Variants in HHAT observed in about 807,000 individuals in gnomAD.
The protein encoded by HHAT is hedgehog acyltransferase.
In HHAT, 47 loss-of-function variants were observed where a neutral mutation model predicts 70.8. That is an observed-to-expected ratio of 0.66 (90% CI 0.53 to 0.85). HHAT has a LOEUF of 0.85. HHAT is among the 40% of genes least tolerant of loss of function. HHAT has a pLI of 0.00. For missense variants in HHAT, 609 were observed against 604.8 expected (o/e 1.01, Z -0.07); for synonymous variants, 228 against 247.6 (o/e 0.92, Z 0.74).
chr1:210,627,393 G>C (rs1272897907), intron 11 of HHAT, among the ~76,000 whole-genome samples: 1 of 152,088 alleles, frequency 6.6e-6, no homozygotes, highest in Non-Finnish European at 1.5e-5. Context: ...GTATCTTCCT[G>C]TCACCAGTTC....
chr1:210,534,271 C>T (rs183300634), intron 9 of HHAT, among the ~76,000 whole-genome samples: 5 of 152,268 alleles, frequency 3.3e-5, no homozygotes, highest in African/African-American at 1.2e-4. Context: ...TACTGTGTCA[C>T]TGCACTGCTA....
chr1:210,540,357 T>C (rs1156627920), intron 9 of HHAT, among the ~76,000 whole-genome samples: 1 of 152,104 alleles, frequency 6.6e-6, no homozygotes, highest in African/African-American at 2.4e-5. Context: ...ATTCATACAA[T>C]GTTGCCTTGA....
chr1:210,462,166 A>G (rs1254595885), intron 7 of HHAT, among the ~76,000 whole-genome samples: 2 of 152,110 alleles, frequency 1.3e-5, no homozygotes, highest in African/African-American at 4.8e-5. Context: ...GAAGCAACCC[A>G]TTTTTCCTGA....
intron 10 of HHAT, among the ~76,000 whole-genome samples, chr1:210,610,102 A>G (rs1435249322): frequency 1.3e-5 from 2 of 152,174 alleles, no homozygotes; most frequent in African/African-American, 4.8e-5. Context: ...GTCTTCCACA[A>G]TGGTTGAGTT....
chr1:210,342,866 T>C (rs552844852), intron 1 of HHAT, among the ~76,000 whole-genome samples: 1 of 152,324 alleles, frequency 6.6e-6, no homozygotes, highest in South Asian at 2.1e-4. Flanking sequence ...TTCTTTTACA[T>C]TGTGTCATAA....
chr1:210,588,401 AT>A (rs897043875), intron 10 of HHAT: 2 of 292,460 alleles, frequency 6.8e-6, no homozygotes, highest in African/African-American at 2.1e-5. Context: ...ATTCTTCTAA[AT>A]TTTTTCCATG....
At chr1:210,661,092 C>T (rs1677597531) in intron 11 of HHAT, among the ~76,000 whole-genome samples, 1 of 152,206 alleles carries the variant, frequency 6.6e-6, no homozygotes, top group Non-Finnish European at 1.5e-5. Flanking sequence ...TAAAGAGCTT[C>T]TGCACAGCAA....
At chr1:210,410,550 TAG>T (rs1484498398) in intron 6 of HHAT, among the ~76,000 whole-genome samples, 8 of 112,434 alleles carry the variant, frequency 7.1e-5, no homozygotes, top group Admixed American at 6.8e-4. Context: ...TTTTTTAAGA[TAG>T]AGTCTCACTC....
intron 3 of HHAT, among the ~76,000 whole-genome samples, chr1:210,364,762 C>T (rs1355842300): frequency 6.6e-6 from 1 of 152,240 alleles, no homozygotes; most frequent in Non-Finnish European, 1.5e-5. Flanking sequence ...GCAGAGATGA[C>T]CCCTTCTCAG....
At chr1:210,607,180 T>G (rs1444290616) in intron 10 of HHAT, among the ~76,000 whole-genome samples, 2 of 152,088 alleles carry the variant, frequency 1.3e-5, no homozygotes, top group Non-Finnish European at 2.9e-5. Context: ...GGTTATTTGG[T>G]GTATAAATGG....
rs758641201 is a variant in HHAT at position 210,349,070 on chromosome 1, A to G, written c.91+4A>G. 6.2e-7 allele frequency: 1 copy of G among 1,613,496 alleles called. No homozygotes were observed. Among genetic ancestry groups the G allele is most frequent in the Non-Finnish European group, 8.5e-7 (1 of 1,179,876 alleles). ...GAAGTTTACAAAGTCTCCAGAGGTA[A>G]GGCCCCAAGCTTTTCAGACCTCCTA... On this transcript the variant is annotated splice_donor_region_variant and intron_variant, in intron 2 of 11. Transcript: ENST00000261458.
intron 10 of HHAT, among the ~76,000 whole-genome samples, chr1:210,621,879 G>A (rs1405964604): frequency 6.6e-6 from 1 of 152,224 alleles, no homozygotes; most frequent in Admixed American, 6.5e-5. Flanking sequence ...GGCCACACTT[G>A]CGTCTGGCAG....
At chr1:210,567,603 C>T (rs1487623236) in intron 9 of HHAT, among the ~76,000 whole-genome samples, 2 of 152,134 alleles carry the variant, frequency 1.3e-5, no homozygotes, top group Non-Finnish European at 2.9e-5. Context: ...GTATAGTGAT[C>T]ATTTGTTTTA....
At position 210,328,931 on chromosome 1, in the gene HHAT, ACG is replaced by A. The variant is rs2084734729; in HGVS notation, c.-211_-210del. 1 of 1,029,716 alleles carries A rather than the reference ACG, an allele frequency of 9.7e-7. No homozygotes were observed. The highest frequency in any genetic ancestry group is 1.3e-6 in the Non-Finnish European group (1 of 797,288). 63.8% of individuals were successfully genotyped at this position (1,029,716 alleles called of 1,614,324 possible). ...ACGGCGGCAGGGGCGTGCTCGGAGGACGCGCGCTGCGCTGCTCCTCCAAAGGG... is the reference window on the plus strand; with the variant it reads ...ACGGCGGCAGGGGCGTGCTCGGAGGACGCGCTGCGCTGCTCCTCCAAAGGG... On this transcript the variant is annotated 5_prime_UTR_variant, in exon 1 of 12. Transcript: ENST00000261458.
At chr1:210,645,584 G>GT (rs1479700463) in intron 11 of HHAT, among the ~76,000 whole-genome samples, 1 of 152,238 alleles carries the variant, frequency 6.6e-6, no homozygotes, top group Non-Finnish European at 1.5e-5. Context: ...TACCTGTGCA[G>GT]TTGCTGCCAC....
intron 9 of HHAT, among the ~76,000 whole-genome samples, chr1:210,582,543 GC>G (rs1376822583): frequency 6.6e-6 from 1 of 152,184 alleles, no homozygotes; most frequent in Admixed American, 6.5e-5. Flanking sequence ...AAGAAGTGTT[GC>G]GATTTTAAGA....
chr1:210,561,517 T>C (rs1196923422), intron 9 of HHAT, among the ~76,000 whole-genome samples: 1 of 152,178 alleles, frequency 6.6e-6, no homozygotes, highest in Non-Finnish European at 1.5e-5. Context: ...GTGTGGCAAG[T>C]GCCCAGCCAT....
intron 10 of HHAT, among the ~76,000 whole-genome samples, chr1:210,595,581 A>G (rs994658608): frequency 2.0e-5 from 3 of 152,206 alleles, no homozygotes; most frequent in African/African-American, 7.2e-5. Flanking sequence ...CAGTCCCACC[A>G]TCAGTGTAAA....
chr1:210,579,315 C>T (rs984657866), intron 9 of HHAT, among the ~76,000 whole-genome samples: 7 of 151,842 alleles, frequency 4.6e-5, no homozygotes, highest in African/African-American at 9.7e-5. Flanking sequence ...CTCATAGAAG[C>T]GAAGAATAGA....
Sources: gnomAD v4.1 joint callset for allele counts (sites outside exome capture counted in the v4.1 genomes callset) on GRCh38, gnomAD v4.1.1 for gene constraint, MANE v1.5 for transcripts, NCBI Gene and HGNC (gene_info 2026-07-23, HGNC 2026-07-21) for gene names.